Variants in PDE4D observed in about 807,000 individuals in gnomAD.
PDE4D encodes the protein phosphodiesterase 4D, also known as 3',5'-cyclic-AMP phosphodiesterase 4D.
A neutral mutation model predicts 87.4 loss-of-function variants in PDE4D; 24 were observed. That is an observed-to-expected ratio of 0.27 (90% CI 0.20 to 0.39). PDE4D has a LOEUF of 0.39. Ranked by LOEUF, PDE4D falls within the 10% of genes least tolerant of loss-of-function variation. PDE4D has a pLI of 1.00. For missense variants in PDE4D, 714 were observed against 1,041.0 expected (o/e 0.69, Z 4.32); for synonymous variants, 384 against 383.2 (o/e 1.00, Z -0.02).
rs10641798 is a variant in PDE4D at position 59,202,033 on chromosome 5, ATTTTTTTTT to A, written c.648-8506_648-8498del. On this transcript the variant is annotated intron_variant, in intron 2 of 14. Transcript: ENST00000340635. ...ATGCAGCTTTTCTGGTGTTTTGATC[ATTTTTTTTT>A]TTTTTTTTTTTTCTGAGATGGAGTC... is the stretch of plus-strand genomic sequence containing the variant. 8.1e-4 allele frequency among the ~76,000 whole-genome samples: 77 copies of A among 95,268 alleles called. 1 individual carries two copies. Among genetic ancestry groups the A allele is most frequent in the Middle Eastern group, 0.01 (1 of 100 alleles). 62.5% of individuals were successfully genotyped at this position (95,268 alleles called of 152,430 possible).
intron 1 of PDE4D, among the ~76,000 whole-genome samples, chr5:59,858,894 G>A (rs895114454): frequency 4.6e-5 from 7 of 152,144 alleles, no homozygotes; most frequent in Non-Finnish European, 8.8e-5. Context: ...AAGAATGAAT[G>A]TAAGTTTTTA....
intron 5 of PDE4D, among the ~76,000 whole-genome samples, chr5:59,138,298 G>A (rs1391547109): frequency 2.0e-5 from 3 of 151,812 alleles, no homozygotes; most frequent in South Asian, 4.2e-4. Context: ...TTTTTGGTTT[G>A]TTTTTTTTAG....
chr5:59,055,869 A>C lies in PDE4D; in HGVS notation c.809-16898T>G, dbSNP rs537933362. On this transcript the variant is annotated intron_variant, in intron 5 of 14. Transcript: ENST00000340635. ...TCTCAACAAATACTTGTTGAACCCCACCAGTAATACGAGAAGCTTGGTATT... is the reference window on the plus strand; with the variant it reads ...TCTCAACAAATACTTGTTGAACCCCCCCAGTAATACGAGAAGCTTGGTATT... Among the ~76,000 whole-genome samples the C allele has an allele frequency of 1.4e-4, 22 of 152,348 alleles. 1 individual carries two copies. The South Asian group carries it at 4.6e-3, about 32-fold the overall frequency.
At chr5:59,308,861 C>T (rs1360578298) in intron 1 of PDE4D, among the ~76,000 whole-genome samples, 1 of 151,826 alleles carries the variant, frequency 6.6e-6, no homozygotes. Flanking sequence ...GAAGGACCAT[C>T]AGGTGGGGGC....
Position 58,969,354 on chromosome 5 carries a change from C to T in PDE4D, c.*5310G>A, listed in dbSNP as rs1742206378. On this transcript the variant is annotated 3_prime_UTR_variant, in exon 15 of 15. Coordinates refer to ENST00000340635, the MANE Select transcript of PDE4D (RefSeq NM_001104631.2). ...TCTCACACAGGATGGTTAGCAATGGCTCTGCGGCTCCAGGCCCTGCCTACT... is the reference window on the plus strand; with the variant it reads ...TCTCACACAGGATGGTTAGCAATGGTTCTGCGGCTCCAGGCCCTGCCTACT... 1 of 152,240 alleles carries T rather than the reference C, an allele frequency of 6.6e-6. No individual in the cohort carries two copies. The highest frequency in any genetic ancestry group is 1.5e-5 in the Non-Finnish European group (1 of 68,046). The allele number at this position is 152,240 out of a possible 1,614,324, so 9.4% of individuals were successfully genotyped here. A position where few individuals can be genotyped will look rare whatever the true frequency, so the allele number is the denominator to read the frequency against.
intron 1 of PDE4D, among the ~76,000 whole-genome samples, chr5:59,534,734 T>C (rs1317338567): frequency 6.6e-6 from 1 of 152,206 alleles, no homozygotes; most frequent in Non-Finnish European, 1.5e-5. Flanking sequence ...GTTGTGGATT[T>C]ACATATCACA....
intron 2 of PDE4D, among the ~76,000 whole-genome samples, chr5:60,163,350 T>C (rs1782621766): frequency 6.6e-6 from 1 of 152,160 alleles, no homozygotes; most frequent in South Asian, 2.1e-4. Context: ...TTTTTTTCAC[T>C]GGGTAGGTTT....
intron 1 of PDE4D, among the ~76,000 whole-genome samples, chr5:59,354,855 TC>T (rs1397186069): frequency 2.0e-5 from 3 of 152,246 alleles, no homozygotes; most frequent in African/African-American, 7.2e-5. Flanking sequence ...TAAGGAAACT[TC>T]TAACCTCAAA....
chr5:59,478,575 T>C (rs1803708186), intron 1 of PDE4D, among the ~76,000 whole-genome samples: 1 of 152,114 alleles, frequency 6.6e-6, no homozygotes, highest in African/African-American at 2.4e-5. Flanking sequence ...ATAATTTAAA[T>C]ATCTTAATTA....
At chr5:60,196,445 C>T (rs1030328773) in intron 1 of PDE4D, among the ~76,000 whole-genome samples, 1 of 151,698 alleles carries the variant, frequency 6.6e-6, no homozygotes. Flanking sequence ...AAAGTTACAA[C>T]AAAAGCTTCC....
intron 2 of PDE4D, among the ~76,000 whole-genome samples, chr5:60,024,201 G>A (rs1056118786): frequency 8.5e-5 from 13 of 152,100 alleles, no homozygotes; most frequent in African/African-American, 3.1e-4. Context: ...ATAAAACAGT[G>A]TGTCTTCTTA....
At chr5:60,127,583 C>A (rs971966237) in intron 2 of PDE4D, 1 of 499,494 alleles carries the variant, frequency 2.0e-6, no homozygotes, top group Non-Finnish European at 3.6e-6. Context: ...AGGGTACTTA[C>A]AGCAACTGAG....
chr5:59,216,488 T>C (rs188808791), intron 1 of PDE4D, among the ~76,000 whole-genome samples: 91 of 152,238 alleles, frequency 6.0e-4, no homozygotes, highest in Non-Finnish European at 9.6e-4. Context: ...ATTTCACCTA[T>C]ATTATTATAA....
At chr5:59,484,796 A>G (rs957364356) in intron 1 of PDE4D, among the ~76,000 whole-genome samples, 8 of 152,206 alleles carry the variant, frequency 5.3e-5, no homozygotes, top group African/African-American at 1.7e-4. Context: ...GTCTGGCTCT[A>G]GTGAAACCAT....
At chr5:60,052,291 A>T (rs1203086031) in intron 2 of PDE4D, among the ~76,000 whole-genome samples, 1 of 152,236 alleles carries the variant, frequency 6.6e-6, no homozygotes, top group Non-Finnish European at 1.5e-5. Flanking sequence ...AATCTTCAAT[A>T]AAATACTGGC....
At chr5:60,357,623 T>C (rs1397003362) in intron 1 of PDE4D, among the ~76,000 whole-genome samples, 2 of 152,200 alleles carry the variant, frequency 1.3e-5, no homozygotes, top group African/African-American at 4.8e-5. Flanking sequence ...GATTTCTATC[T>C]TTTGGCTTCT....
chr5:59,438,335 A>G (rs551494436), intron 1 of PDE4D, among the ~76,000 whole-genome samples: 2 of 152,244 alleles, frequency 1.3e-5, no homozygotes, highest in South Asian at 4.2e-4. Context: ...TCTCTGTCCT[A>G]AAGTGAATTC....
chr5:60,316,626 G>T (rs1469278182), intron 1 of PDE4D, among the ~76,000 whole-genome samples: 3 of 152,108 alleles, frequency 2.0e-5, no homozygotes, highest in Admixed American at 6.5e-5. Flanking sequence ...CTGTGGGTTT[G>T]TCATAGATAG....
intron 1 of PDE4D, among the ~76,000 whole-genome samples, chr5:59,243,131 A>G (rs1758016570): frequency 6.6e-6 from 1 of 152,174 alleles, no homozygotes; most frequent in Non-Finnish European, 1.5e-5. Flanking sequence ...CGTTTTTACT[A>G]TAGAGTCGTA....
Sources: gnomAD v4.1 joint callset for allele counts (sites outside exome capture counted in the v4.1 genomes callset) on GRCh38, gnomAD v4.1.1 for gene constraint, MANE v1.5 for transcripts, NCBI Gene and HGNC (gene_info 2026-07-23, HGNC 2026-07-21) for gene names.